LRP1B: variants seen among roughly 807,000 people sequenced by gnomAD.
LRP1B encodes low-density lipoprotein receptor-related protein 1B.
LRP1B carries 217 observed loss-of-function variants against 556.6 expected under a neutral mutation model. The ratio of observed to expected loss-of-function variants is 0.39; its 90% CI spans 0.35 to 0.44. The LOEUF is 0.44. Among genes scored for constraint, LRP1B ranks in the 20% least tolerant of loss-of-function variants. The pLI is 1.00. For missense variants in LRP1B, 5,053 were observed against 5,620.8 expected (o/e 0.90, Z 3.23); for synonymous variants, 2,047 against 1,865.8 (o/e 1.10, Z -2.50).
intron 1 of LRP1B, among the ~76,000 whole-genome samples, chr2:141,974,694 T>C (rs60230661): frequency 0.019 from 2,832 of 152,204 alleles, 57 homozygotes; most frequent in African/African-American, 0.06. Flanking sequence ...TTGGTATTTC[T>C]GTGAATAAAT....
At chr2:140,515,349 C>T (rs1052231375) in intron 50 of LRP1B, among the ~76,000 whole-genome samples, 1 of 151,850 alleles carries the variant, frequency 6.6e-6, no homozygotes, top group African/African-American at 2.4e-5. Flanking sequence ...ACTAATAACA[C>T]CTAAATTAAT....
intron 3 of LRP1B, among the ~76,000 whole-genome samples, chr2:141,311,148 T>C (rs2105449059): frequency 6.6e-6 from 1 of 152,356 alleles, no homozygotes; most frequent in Non-Finnish European, 1.5e-5. Context: ...CATGTGTTTA[T>C]ACATACAAAA....
intron 41 of LRP1B, among the ~76,000 whole-genome samples, chr2:140,655,816 G>A (rs1209971855): frequency 3.3e-5 from 5 of 151,698 alleles, no homozygotes; most frequent in African/African-American, 9.7e-5. Flanking sequence ...AGTGGCGGGC[G>A]CCTGTAGTCC....
At chr2:141,579,991 C>T (rs952147423) in intron 2 of LRP1B, among the ~76,000 whole-genome samples, 5 of 152,192 alleles carry the variant, frequency 3.3e-5, no homozygotes, top group East Asian at 1.9e-4. Flanking sequence ...TGAGCCACCG[C>T]GCCCAGCCTG....
At chr2:141,810,169 G>GAAGT (rs1558891159) in intron 2 of LRP1B, 110 bp downstream of exon 2, 8 of 727,216 alleles carry the variant, frequency 1.1e-5, no homozygotes, top group Non-Finnish European at 1.6e-5. Context: ...AAGAAAGAAG[G>GAAGT]AAAGAAAGAA....
chr2:141,134,019 T>A (rs1012890653), intron 7 of LRP1B, among the ~76,000 whole-genome samples: 1 of 151,876 alleles, frequency 6.6e-6, no homozygotes, highest in Non-Finnish European at 1.5e-5. Flanking sequence ...GGACTTGATC[T>A]CTTACTCTTT....
intron 3 of LRP1B, among the ~76,000 whole-genome samples, chr2:141,428,173 A>C (rs1208583436): frequency 6.6e-6 from 1 of 152,010 alleles, no homozygotes; most frequent in Admixed American, 6.5e-5. Flanking sequence ...CTGTTTCAGC[A>C]TGTATTAAAT....
At chr2:140,345,996 A>G (rs939175027) in intron 77 of LRP1B, among the ~76,000 whole-genome samples, 2 of 150,442 alleles carry the variant, frequency 1.3e-5, no homozygotes, top group Non-Finnish European at 3.0e-5. Flanking sequence ...AGATTATTTA[A>G]TTCCTTTAAT....
intron 1 of LRP1B, among the ~76,000 whole-genome samples, chr2:141,818,879 C>A (rs1424590669): frequency 6.6e-6 from 1 of 151,666 alleles, no homozygotes; most frequent in Non-Finnish European, 1.5e-5. Context: ...GCTTGGGATG[C>A]CCTTTCCTAT....
chr2:141,562,811 G>A (rs1206437795), intron 2 of LRP1B, among the ~76,000 whole-genome samples: 3 of 151,966 alleles, frequency 2.0e-5, no homozygotes, highest in Admixed American at 6.6e-5. Context: ...ACTCCATTCT[G>A]TAGACAACTG....
intron 2 of LRP1B, among the ~76,000 whole-genome samples, chr2:141,605,604 A>G (rs1687889979): frequency 6.6e-6 from 1 of 152,176 alleles, no homozygotes; most frequent in Non-Finnish European, 1.5e-5. Context: ...CTGGCAGCCT[A>G]ATACTCAGCC....
intron 72 of LRP1B, among the ~76,000 whole-genome samples, chr2:140,363,407 A>G (rs1371500620): frequency 6.6e-6 from 1 of 151,550 alleles, no homozygotes; most frequent in Non-Finnish European, 1.5e-5. Flanking sequence ...GCTGTACATC[A>G]ATTATTGAAA....
In LRP1B at chr2:140,516,907, G is replaced by C; in HGVS notation, c.8131C>G (p.Arg2711Gly). 6.2e-7 allele frequency: 1 copy of C among 1,613,262 alleles called. No homozygotes were observed. The highest frequency in any genetic ancestry group is 8.5e-7 in the Non-Finnish European group (1 of 1,179,600). Residue 2711 changes from arginine (R) to glycine (G), a missense_variant, in exon 50 of 91, where the codon CGT becomes GGT. By Grantham distance (125) the Arg-to-Gly change is moderately radical. Transcript: ENST00000389484. ...GTCTCACCACAGTGGAATTCATCACGTCCATCCTCACAATCTTTCTGACCA... is the reference window on the plus strand; with the variant it reads ...GTCTCACCACAGTGGAATTCATCACCTCCATCCTCACAATCTTTCTGACCA... ...CDGQKDCEDG[R>G]DEFHCDSSCS...
chr2:141,564,133 G>C (rs1686252067), intron 2 of LRP1B, among the ~76,000 whole-genome samples: 1 of 152,088 alleles, frequency 6.6e-6, no homozygotes, highest in Non-Finnish European at 1.5e-5. Flanking sequence ...TGAAGATTTT[G>C]TTTGAGAAAT....
chr2:140,569,762 G>C lies in LRP1B; in HGVS notation c.7195-27791C>G, dbSNP rs551497675. 1.1e-4 allele frequency among the ~76,000 whole-genome samples: 16 copies of C among 151,820 alleles called. No homozygotes were observed. In the East Asian group the frequency reaches 1.9e-3, roughly 18 times the overall value. ...TAAACATTCTTTTCATGAGCACATG[G>C]GACATTCTCCAGGATAGACCATATT... On this transcript the variant is annotated intron_variant, in intron 43 of 90. Coordinates refer to ENST00000389484, the MANE Select transcript of LRP1B (RefSeq NM_018557.3).
At chr2:140,689,028 T>C (rs1205131697) in intron 41 of LRP1B, among the ~76,000 whole-genome samples, 2 of 152,238 alleles carry the variant, frequency 1.3e-5, no homozygotes, top group African/African-American at 4.8e-5. Context: ...TTAATTGATA[T>C]CATCTAATCT....
intron 7 of LRP1B, among the ~76,000 whole-genome samples, chr2:141,170,706 C>T (rs6730244): frequency 0.27 from 41,601 of 151,876 alleles, 6,475 homozygotes; most frequent in East Asian, 0.62. Context: ...AATTATATCC[C>T]TGTGGCCTTA....
At chr2:141,724,910 T>G (rs1375212111) in intron 2 of LRP1B, among the ~76,000 whole-genome samples, 1 of 151,988 alleles carries the variant, frequency 6.6e-6, no homozygotes, top group East Asian at 1.9e-4. Flanking sequence ...AATCTAAAAC[T>G]TACTAAGTAA....
At chr2:141,787,110 C>T (rs1044805903) in intron 2 of LRP1B, among the ~76,000 whole-genome samples, 1 of 151,820 alleles carries the variant, frequency 6.6e-6, no homozygotes, top group African/African-American at 2.4e-5. Context: ...GGTAAAGATG[C>T]AAAACAACTG....
Sources: allele counts gnomAD v4.1 joint callset (sites outside exome capture counted in the v4.1 genomes callset), GRCh38; gene constraint gnomAD v4.1.1; transcripts MANE v1.5; gene names NCBI Gene and HGNC (gene_info 2026-07-23, HGNC 2026-07-21).